Variants in ZRANB3 observed in about 807,000 individuals in gnomAD.
ZRANB3 encodes the protein zinc finger RANBP2-type containing 3, also known as DNA annealing helicase and endonuclease ZRANB3.
ZRANB3 carries 125 observed loss-of-function variants against 133.8 expected under a neutral mutation model. The observed-to-expected ratio is 0.93, with a 90% CI of 0.81 to 1.08. The LOEUF (loss-of-function observed/expected upper bound fraction) is 1.08. ZRANB3 is among the 50% of genes least tolerant of loss of function. The pLI is 0.00. For missense variants in ZRANB3, 1,229 were observed against 1,275.5 expected (o/e 0.96, Z 0.56); for synonymous variants, 387 against 432.7 (o/e 0.89, Z 1.31).
chr2:135,416,624 G>T (rs1688585742), intron 2 of ZRANB3, among the ~76,000 whole-genome samples: 1 of 150,260 alleles, frequency 6.7e-6, no homozygotes, highest in Non-Finnish European at 1.5e-5. Flanking sequence ...AGTTCATATG[G>T]AACCAAAAAA....
At chr2:135,272,363 A>T (rs1680558319) in intron 9 of ZRANB3, among the ~76,000 whole-genome samples, 1 of 150,814 alleles carries the variant, frequency 6.6e-6, no homozygotes, top group Non-Finnish European at 1.5e-5. Context: ...ATTCATGAAG[A>T]GTAGTACATT....
chr2:135,310,370 A>G (rs896548457), intron 8 of ZRANB3, among the ~76,000 whole-genome samples: 2 of 152,218 alleles, frequency 1.3e-5, no homozygotes, highest in South Asian at 2.1e-4. Flanking sequence ...GAAGGTGCCA[A>G]GGAAATTTAA....
intron 2 of ZRANB3, among the ~76,000 whole-genome samples, chr2:135,444,787 T>G (rs1337294081): frequency 1.3e-5 from 2 of 152,188 alleles, no homozygotes; most frequent in Non-Finnish European, 2.9e-5. Flanking sequence ...TACAGTTATG[T>G]GTTAATTTTT....
chr2:135,415,042 G>C (rs1054587103), intron 2 of ZRANB3, among the ~76,000 whole-genome samples: 27 of 151,032 alleles, frequency 1.8e-4, no homozygotes, highest in African/African-American at 5.3e-4. Context: ...ACAATTAAAA[G>C]AACTAGAAAA....
At chr2:135,370,038 T>C (rs984661106) in intron 3 of ZRANB3, among the ~76,000 whole-genome samples, 1 of 130,048 alleles carries the variant, frequency 7.7e-6, no homozygotes, top group South Asian at 2.1e-4. Context: ...TGTTTCTTTT[T>C]TTTTTTTTTT....
At chr2:135,362,230 T>G (rs1573976772) in intron 3 of ZRANB3, among the ~76,000 whole-genome samples, 1 of 151,060 alleles carries the variant, frequency 6.6e-6, no homozygotes, top group Non-Finnish European at 1.5e-5. Flanking sequence ...GAATAGTGTG[T>G]GTACATTTCA....
At chr2:135,384,273 A>G (rs1686859340) in intron 3 of ZRANB3, among the ~76,000 whole-genome samples, 1 of 152,092 alleles carries the variant, frequency 6.6e-6, no homozygotes, top group African/African-American at 2.4e-5. Flanking sequence ...TGACACATAC[A>G]CTCTCCCAAG....
intron 12 of ZRANB3, among the ~76,000 whole-genome samples, chr2:135,236,731 G>T (rs1451559162): frequency 6.6e-6 from 1 of 152,158 alleles, no homozygotes; most frequent in Non-Finnish European, 1.5e-5. Context: ...AAACTGGCTA[G>T]CCATATGTAG....
chr2:135,453,369 A>G (rs1690359256), intron 2 of ZRANB3, among the ~76,000 whole-genome samples: 1 of 152,204 alleles, frequency 6.6e-6, no homozygotes, highest in Non-Finnish European at 1.5e-5. Context: ...CTTGCTACTT[A>G]TGCAAATTTC....
intron 3 of ZRANB3, among the ~76,000 whole-genome samples, chr2:135,382,006 G>A (rs994016547): frequency 4.9e-4 from 74 of 152,214 alleles, no homozygotes; most frequent in African/African-American, 1.8e-3. Context: ...TGACTTTGAC[G>A]AGTTGAGAGA....
At chr2:135,462,749 C>T (rs762508920) in intron 2 of ZRANB3, among the ~76,000 whole-genome samples, 1 of 152,032 alleles carries the variant, frequency 6.6e-6, no homozygotes, top group Admixed American at 6.6e-5. Context: ...CCCACCATCA[C>T]ACCTGGCTAG....
At chr2:135,476,405 G>T (rs1691499571) in intron 2 of ZRANB3, among the ~76,000 whole-genome samples, 1 of 152,124 alleles carries the variant, frequency 6.6e-6, no homozygotes, top group East Asian at 1.9e-4. Context: ...GGAAAGAAAA[G>T]TATGTCTGTA....
At chr2:135,486,461 C>T (rs1343591133) in intron 2 of ZRANB3, among the ~76,000 whole-genome samples, 2 of 151,950 alleles carry the variant, frequency 1.3e-5, no homozygotes, top group Admixed American at 1.3e-4. Flanking sequence ...GGCTCTACTT[C>T]TAATTCTCTT....
chr2:135,343,920 G>A (rs1399407897), intron 6 of ZRANB3, among the ~76,000 whole-genome samples: 1 of 150,952 alleles, frequency 6.6e-6, no homozygotes, highest in Non-Finnish European at 1.5e-5. Flanking sequence ...CTAAGCTGGT[G>A]GAAATATAAA....
chr2:135,446,602 G>A (rs1690033471), intron 2 of ZRANB3, among the ~76,000 whole-genome samples: 1 of 152,094 alleles, frequency 6.6e-6, no homozygotes, highest in Non-Finnish European at 1.5e-5. Context: ...ATGAAAAGTC[G>A]GATTTAACCA....
chr2:135,313,853 C>G (rs1271325693), intron 7 of ZRANB3, among the ~76,000 whole-genome samples: 1 of 152,076 alleles, frequency 6.6e-6, no homozygotes, highest in Non-Finnish European at 1.5e-5. Context: ...CAGCATAAAT[C>G]AAACAATTAT....
At chr2:135,419,269 T>C (rs564669855) in intron 2 of ZRANB3, among the ~76,000 whole-genome samples, 91 of 152,122 alleles carry the variant, frequency 6.0e-4, no homozygotes, top group South Asian at 1.0e-3. Flanking sequence ...AAAGTTTTCC[T>C]TTTCTTAGTT....
chr2:135,318,215 TG>T (rs1683351196), intron 6 of ZRANB3, among the ~76,000 whole-genome samples: 103 of 31,076 alleles, frequency 3.3e-3, no homozygotes, highest in Middle Eastern at 0.016. Flanking sequence ...CACTATTTTG[TG>T]TGTGTGTGTG....
At chr2:135,312,874 G>A (rs571163410) in intron 8 of ZRANB3, among the ~76,000 whole-genome samples, 9 of 151,656 alleles carry the variant, frequency 5.9e-5, no homozygotes, top group Non-Finnish European at 1.3e-4. Context: ...AAAAAAATTT[G>A]CCAGGCATGG....
Sources: allele counts gnomAD v4.1 joint callset (sites outside exome capture counted in the v4.1 genomes callset), GRCh38; gene constraint gnomAD v4.1.1; transcripts MANE v1.5; gene names NCBI Gene and HGNC (gene_info 2026-07-23, HGNC 2026-07-21).